The following FNIP2 variants were observed in gnomAD, a reference collection of about 807,000 sequenced individuals.
FNIP2 encodes folliculin interacting protein 2.
A neutral mutation model predicts 108.7 loss-of-function variants in FNIP2; 32 were observed. The observed-to-expected ratio is 0.29, with a 90% CI of 0.22 to 0.40. The LOEUF is 0.40. FNIP2 is among the 10% of genes least tolerant of loss of function. The pLI is 1.00. For synonymous variants in FNIP2, 480 were observed against 496.7 expected, an observed-to-expected ratio of 0.97 and a Z score of 0.45; for missense variants, 1,202 against 1,381.6, an observed-to-expected ratio of 0.87 and a Z score of 2.06.
chr4:158,808,228 T>A (rs555166275), intron 1 of FNIP2, among the ~76,000 whole-genome samples: 1 of 152,338 alleles, frequency 6.6e-6, no homozygotes, highest in South Asian at 2.1e-4. Context: ...CCCAGATAGT[T>A]ATTTAGGATG....
chr4:158,818,255 AT>A (rs1449435744), intron 1 of FNIP2, among the ~76,000 whole-genome samples: 2 of 152,200 alleles, frequency 1.3e-5, no homozygotes, highest in Non-Finnish European at 2.9e-5. Flanking sequence ...CCATTTACAT[AT>A]TGTTTTAGTG....
chr4:158,869,969 TC>T (rs1387626096), intron 13 of FNIP2, among the ~76,000 whole-genome samples: 4 of 152,256 alleles, frequency 2.6e-5, no homozygotes, highest in African/African-American at 9.6e-5. Context: ...TGGGCACCAC[TC>T]TGTGCAGATA....
chr4:158,868,076 C>T lies in FNIP2; in HGVS notation c.1466-26C>T. On this transcript the variant is annotated intron_variant, in intron 12 of 16. Transcript: ENST00000264433. This position sits in a 1 kb window ranked among gnomAD's most constrained non-coding sequence, Gnocchi z 4.6. ...GACATGCTAACCCCAGAGACCACTG[C>T]CTTTGTGTCCACCTTTGCTCTCTAG... 6.2e-7 allele frequency: 1 copy of T among 1,607,396 alleles called. No individual in the cohort carries two copies. The highest frequency in any genetic ancestry group is 1.7e-5 in the Admixed American group (1 of 59,732).
intron 1 of FNIP2, among the ~76,000 whole-genome samples, chr4:158,791,512 C>T (rs1403486856): frequency 6.6e-6 from 1 of 152,138 alleles, no homozygotes; most frequent in East Asian, 1.9e-4. Context: ...AAACTCCTGA[C>T]CTCAAGTGAT....
chr4:158,812,256 T>C (rs1359650242), intron 1 of FNIP2, among the ~76,000 whole-genome samples: 1 of 152,190 alleles, frequency 6.6e-6, no homozygotes, highest in Non-Finnish European at 1.5e-5. Context: ...TAGGGGAACA[T>C]TCCCCTCTGT....
intron 1 of FNIP2, among the ~76,000 whole-genome samples, chr4:158,812,429 T>C (rs1179188234): frequency 1.3e-5 from 2 of 152,140 alleles, no homozygotes; most frequent in Non-Finnish European, 2.9e-5. Context: ...GCTCAAGTTA[T>C]GTGTCCTTGG....
chr4:158,831,393 T>C (rs1016797941), intron 3 of FNIP2, among the ~76,000 whole-genome samples: 1 of 152,348 alleles, frequency 6.6e-6, no homozygotes, highest in East Asian at 1.9e-4. Flanking sequence ...CCATCTGTTA[T>C]CTTTTGGGCC....
At chr4:158,876,078 T>A (rs569286030) in intron 14 of FNIP2, among the ~76,000 whole-genome samples, 2 of 152,344 alleles carry the variant, frequency 1.3e-5, no homozygotes, top group South Asian at 4.1e-4. Flanking sequence ...TGCCAGGTCA[T>A]GATGTTAAAA....
chr4:158,797,197 C>G (rs1776617378), intron 1 of FNIP2, among the ~76,000 whole-genome samples: 1 of 152,160 alleles, frequency 6.6e-6, no homozygotes, highest in Non-Finnish European at 1.5e-5. Flanking sequence ...TTAATTATAG[C>G]TATATTTTGG....
At chr4:158,804,292 GTATCTGA>G (rs1053941206) in intron 1 of FNIP2, among the ~76,000 whole-genome samples, 2 of 152,000 alleles carry the variant, frequency 1.3e-5, no homozygotes, top group African/African-American at 4.8e-5. Flanking sequence ...CAATCAGAAA[GTATCTGA>G]TGGACATCTA....
chr4:158,860,751 G>A (rs1429773485), intron 10 of FNIP2, among the ~76,000 whole-genome samples: 1 of 151,584 alleles, frequency 6.6e-6, no homozygotes, highest in South Asian at 2.1e-4. Context: ...TCACCTCCTG[G>A]GTTCAAGCGA....
chr4:158,872,556 C>T (rs1313666499), intron 14 of FNIP2: 2 of 985,056 alleles, frequency 2.0e-6, no homozygotes, highest in Admixed American at 6.2e-5. Flanking sequence ...TGCAGCCATG[C>T]GTGGGTGTTA....
At chr4:158,828,870 A>G (rs1044590018) in intron 2 of FNIP2, among the ~76,000 whole-genome samples, 1 of 152,208 alleles carries the variant, frequency 6.6e-6, no homozygotes, top group Non-Finnish European at 1.5e-5. Context: ...GTCTTAATAC[A>G]TAACCTACCT....
intron 12 of FNIP2, among the ~76,000 whole-genome samples, chr4:158,866,617 C>A (rs1359806390): frequency 6.6e-6 from 1 of 151,854 alleles, no homozygotes; most frequent in African/African-American, 2.4e-5. Context: ...CTCTTGTAGC[C>A]CAGGCTGGAG....
chr4:158,861,616 T>C lies in FNIP2; in HGVS notation c.1305T>C (p.Ala435=), dbSNP rs763163201. Residue 435 remains alanine, a synonymous_variant, in exon 12 of 17, where the codon GCT becomes GCC. Coordinates refer to ENST00000264433, the MANE Select transcript of FNIP2 (RefSeq NM_020840.3). ...IEQINKNQFF[A]ALLTAVLTYH... ...TTTCCATTTCTCCAAGGTTTTTTGC[T>C]GCCTTACTGACTGCGGTGTTAACCT... 3 of 1,613,944 alleles carry C rather than the reference T, an allele frequency of 1.9e-6. No individual in the cohort carries two copies. The highest frequency in any genetic ancestry group is 2.5e-6 in the Non-Finnish European group (3 of 1,179,912).
intron 1 of FNIP2, among the ~76,000 whole-genome samples, chr4:158,811,583 A>G (rs1465253449): frequency 6.6e-6 from 1 of 152,108 alleles, no homozygotes; most frequent in South Asian, 2.1e-4. Flanking sequence ...GTAGATTGGA[A>G]TGGTGTTTCC....
intron 7 of FNIP2, among the ~76,000 whole-genome samples, chr4:158,843,957 T>C (rs988272377): frequency 1.3e-5 from 2 of 152,258 alleles, no homozygotes; most frequent in African/African-American, 4.8e-5. Context: ...CCCTATTTCC[T>C]GGACAAAGTC....
intron 7 of FNIP2, among the ~76,000 whole-genome samples, chr4:158,842,486 G>A (rs760652374): frequency 1.5e-4 from 23 of 152,124 alleles, no homozygotes; most frequent in African/African-American, 2.9e-4. Flanking sequence ...TATGCCCTCC[G>A]TAAGTCTTTT....
chr4:158,878,053 T>C (rs547514942), intron 14 of FNIP2, among the ~76,000 whole-genome samples: 18 of 151,456 alleles, frequency 1.2e-4, no homozygotes, highest in Non-Finnish European at 2.5e-4. Context: ...TAAAACTATA[T>C]AGTGATGGAT....
Sources: gnomAD v4.1 joint callset for allele counts (sites outside exome capture counted in the v4.1 genomes callset) on GRCh38, gnomAD v4.1.1 for gene constraint, Gnocchi (gnomAD v3.1) non-coding constraint, MANE v1.5 for transcripts, NCBI Gene and HGNC (gene_info 2026-07-23, HGNC 2026-07-21) for gene names.